Variants in MLXIPL observed in about 807,000 individuals in gnomAD.
MLXIPL encodes MLX interacting protein like.
A neutral mutation model predicts 81.5 loss-of-function variants in MLXIPL; 49 were observed. The ratio of observed to expected loss-of-function variants is 0.60; its 90% confidence interval spans 0.48 to 0.76. The LOEUF (loss-of-function observed/expected upper bound fraction) is 0.76, where lower values mean the gene tolerates loss of function less well. MLXIPL is among the 30% of genes least tolerant of loss of function. The pLI is 0.00. For synonymous variants in MLXIPL, 466 were observed against 485.5 expected, an observed-to-expected ratio of 0.96 and a Z score of 0.53; for missense variants, 1,053 against 1,167.0, an observed-to-expected ratio of 0.90 and a Z score of 1.42.
chr7:73,629,489 CTT>C (rs1796801834), upstream of MLXIPL, among the ~76,000 whole-genome samples: 1 of 152,162 alleles, frequency 6.6e-6, no homozygotes, highest in Non-Finnish European at 1.5e-5. Context: ...AATCCCAGCA[CTT>C]TGAGAGGCCA....
At chr7:73,633,735 G>A in the MLXIPL span, among the ~76,000 whole-genome samples, 1,283 of 152,232 alleles carry the variant, frequency 8.4e-3, 17 homozygotes, top group African/African-American at 0.029. Flanking sequence ...GATTCCAGGC[G>A]TGAGCCATGG....
intron 14 of MLXIPL, 33 bp downstream of exon 14, chr7:73,595,809 C>T (rs2116163985): frequency 6.3e-7 from 1 of 1,585,864 alleles, no homozygotes. Context: ...GGCATGGCCC[C>T]CTGGTCCCAG....
Position 73,595,672 on chromosome 7 carries a change from G to C in MLXIPL, c.2275C>G (p.Arg759Gly), listed in dbSNP as rs1485656569. Residue 759 changes from arginine (R) to glycine (G), a missense_variant, in exon 15 of 17, where the codon CGA (arginine) becomes GGA (glycine). This residue lies in a region of MLXIPL where 823 missense variants were observed against 933.0 expected (regional missense o/e 0.88). Coordinates refer to ENST00000313375, the MANE Select transcript of MLXIPL (RefSeq NM_032951.3). ...TTCCAGTTGTGCAGCGTACGGGTTC[G>C]GACGTAGTCATCAAACATGTCTCGC... ...QMRDMFDDYV[R>G]TRTLHNWKFW... 3.1e-6 allele frequency: 5 copies of C among 1,614,062 alleles called. No individual in the cohort carries two copies. Among genetic ancestry groups the C allele is most frequent in the Non-Finnish European group, 2.5e-6 (3 of 1,180,032 alleles).
At chr7:73,613,121 C>T (rs183733667) in intron 2 of MLXIPL, among the ~76,000 whole-genome samples, 34 of 152,226 alleles carry the variant, frequency 2.2e-4, no homozygotes, top group African/African-American at 7.2e-4. Context: ...CCCTAAGGCC[C>T]GACATTAGTG....
At chr7:73,622,167 G>A (rs1554602413) in intron 1 of MLXIPL, among the ~76,000 whole-genome samples, 1 of 151,508 alleles carries the variant, frequency 6.6e-6, no homozygotes, top group African/African-American at 2.4e-5. Context: ...CTGGTACTAG[G>A]AATGTGCCAT....
At chr7:73,606,863 C>T in intron 5 of MLXIPL, 111 bp downstream of exon 5, 2 of 1,212,094 alleles carry the variant, frequency 1.7e-6, no homozygotes, top group Non-Finnish European at 2.4e-6. Context: ...ACATTCCACC[C>T]TCATGCCCAG....
At position 73,596,831 on chromosome 7, in the gene MLXIPL, G is replaced by T; in HGVS notation, c.1671+34C>A. ...CGGAGAGTCGGGTTGAAGGCCGTGG[G>T]CACAGCCCCACCGCCCAGTGCCCGA... On this transcript the variant is annotated intron_variant, in intron 10 of 16. Coordinates refer to ENST00000313375, the MANE Select transcript of MLXIPL (RefSeq NM_032951.3). This position sits in a 1 kb window ranked among gnomAD's most constrained non-coding sequence, Gnocchi z 4.7. 1 of 1,608,706 alleles carries T rather than the reference G, an allele frequency of 6.2e-7. No homozygotes were observed.
chr7:73,615,014 G>A (rs945748436), intron 2 of MLXIPL, among the ~76,000 whole-genome samples: 9 of 152,168 alleles, frequency 5.9e-5, no homozygotes, highest in Non-Finnish European at 1.0e-4. Context: ...GTTTCACTGC[G>A]TTAGGCAGGA....
At chr7:73,595,562 C>T in intron 15 of MLXIPL, 75 bp downstream of exon 15, 1 of 1,613,124 alleles carries the variant, frequency 6.2e-7, no homozygotes, top group Non-Finnish European at 8.5e-7. Context: ...AGCTAGGCCT[C>T]CATCCCAGGC....
the MLXIPL span, among the ~76,000 whole-genome samples, chr7:73,630,505 C>T: frequency 6.6e-6 from 1 of 151,818 alleles, no homozygotes; most frequent in African/African-American, 2.4e-5. Flanking sequence ...GTTGGCCAGG[C>T]TGGTCTTGAA....
Position 73,620,616 on chromosome 7 carries a change from G to A in MLXIPL, c.293+3584C>T, listed in dbSNP as rs1360581144. 3.4e-5 allele frequency among the ~76,000 whole-genome samples: 5 copies of A among 147,662 alleles called. No homozygotes were observed. In the South Asian group the frequency reaches 6.5e-4, roughly 19 times the overall value. On this transcript the variant is annotated intron_variant, in intron 1 of 16. Transcript: ENST00000313375. ...AAAAAAGCCGGATGTGGTGGCAGGC[G>A]CCTGTAATCCCAGCTACTCAGGAGG...
intron 7 of MLXIPL, among the ~76,000 whole-genome samples, chr7:73,601,217 T>TGTGTGTGTGTG (rs1794798516): frequency 8.5e-5 from 9 of 106,158 alleles, no homozygotes; most frequent in African/African-American, 2.2e-4. Context: ...GTGTGTGTGT[T>TGTGTGTGTGTG]TGTGTCTTCA....
chr7:73,640,749 C>T, the MLXIPL span, among the ~76,000 whole-genome samples: 3 of 148,274 alleles, frequency 2.0e-5, no homozygotes, highest in South Asian at 2.1e-4. Flanking sequence ...TGTACTCCAG[C>T]CTGGGCGACA....
chr7:73,633,150 GGCTCACTGCAA>G, the MLXIPL span, among the ~76,000 whole-genome samples: 4 of 146,588 alleles, frequency 2.7e-5, no homozygotes, highest in African/African-American at 1.0e-4. Context: ...GCTCGATCTC[GGCTCACTGCAA>G]GCTTCACCTC....
chr7:73,594,336 G>T lies in MLXIPL; in HGVS notation c.2378C>A (p.Thr793Asn), dbSNP rs782253664. The T allele has an allele frequency of 8.1e-6, 13 of 1,610,888 alleles. No individual in the cohort carries two copies. The highest frequency in any genetic ancestry group is 1.1e-5 in the Non-Finnish European group (13 of 1,180,010). The change falls in exon 16 of 17, where the codon ACC becomes AAC. Residue 793 changes from threonine to asparagine, a missense_variant. Physicochemically the swap from Thr to Asn is moderately conservative, Grantham distance 65 (BLOSUM62 0). Around this residue, in one of 3 missense-constraint regions of MLXIPL, gnomAD observed 823 missense variants for 933.0 expected, o/e 0.88. Coordinates refer to ENST00000313375, the MANE Select transcript of MLXIPL (RefSeq NM_032951.3). ...NGMVSTASVH[T>N]LRQTSLAWLD... ...CCAGGCCAGTGAGGTCTGGCGGAGG[G>T]TGTGCACACTTGCCGTGGACACCAT...
rs1554598057 is a variant in MLXIPL at position 73,606,111 on chromosome 7, C to T, written c.619G>A (p.Ala207Thr). The T allele has an allele frequency of 6.4e-7, 1 of 1,571,932 alleles. No individual in the cohort carries two copies. The highest frequency in any genetic ancestry group is 2.3e-5 in the East Asian group (1 of 42,988). Residue 207 changes from alanine (A) to threonine (T), a missense_variant and splice_region_variant, in exon 6 of 17, where the codon GCG becomes ACG. Around this residue, in one of 3 missense-constraint regions of MLXIPL, gnomAD observed 823 missense variants for 933.0 expected, o/e 0.88. Transcript: ENST00000313375. ...TCCGGCGGCGGCCACCTGCCTTCCG[C>T]CTAGGGAGACAGAGCCGTCAGCAGC... ...REDDLLAPKQ[A>T]EGRWPPPEQW...
chr7:73,597,754 A>G (rs952806159), intron 8 of MLXIPL, 41 bp from the exon 9 acceptor site: 1 of 1,305,646 alleles, frequency 7.7e-7, no homozygotes. Context: ...AGCAGGGGAG[A>G]GAGCTGCCCC....
At chr7:73,610,641 T>G (rs1478769013) in intron 2 of MLXIPL, 2 of 152,046 alleles carry the variant, frequency 1.3e-5, no homozygotes, top group African/African-American at 4.8e-5. Context: ...GCCCAGCTGG[T>G]TTTTTGTATT....
chr7:73,644,689 T>C, the MLXIPL span, among the ~76,000 whole-genome samples: 67,246 of 151,900 alleles, frequency 0.44, 15,532 homozygotes, highest in Non-Finnish European at 0.52. Flanking sequence ...CTGGTCGACA[T>C]CTCTGATTAC....
Sources: gnomAD v4.1 joint callset for allele counts (sites outside exome capture counted in the v4.1 genomes callset) on GRCh38, gnomAD v4.1.1 for gene constraint, gnomAD v4.1.1 regional missense constraint, Gnocchi (gnomAD v3.1) non-coding constraint, MANE v1.5 for transcripts, NCBI Gene and HGNC (gene_info 2026-07-23, HGNC 2026-07-21) for gene names.